KCNC2: variants seen among roughly 807,000 people sequenced by gnomAD.
The protein encoded by KCNC2 is voltage-gated potassium channel KCNC2.
KCNC2 carries 21 observed loss-of-function variants against 44.5 expected under a neutral mutation model. That is an observed-to-expected ratio of 0.47 (90% CI 0.33 to 0.68). The LOEUF is 0.68. Among genes scored for constraint, KCNC2 ranks in the 30% least tolerant of loss-of-function variants. KCNC2 has a pLI of 0.01. For synonymous variants in KCNC2, 391 were observed against 339.1 expected (o/e 1.15, Z -1.68); for missense variants, 589 against 826.2 (o/e 0.71, Z 3.52).
intron 2 of KCNC2, among the ~76,000 whole-genome samples, chr12:75,055,469 T>C (rs1024793364): frequency 6.6e-6 from 1 of 152,092 alleles, no homozygotes; most frequent in Non-Finnish European, 1.5e-5. Context: ...CATCTCTCTC[T>C]GTCTTTTCCC....
At chr12:75,075,232 A>T (rs1023065020) in intron 2 of KCNC2, among the ~76,000 whole-genome samples, 4 of 152,072 alleles carry the variant, frequency 2.6e-5, no homozygotes, top group African/African-American at 9.7e-5. Context: ...CATCATTTTT[A>T]AAAAACTTAA....
chr12:75,182,528 AAAAAAAAAACAAAAAAAAC>A (rs1482799309), intron 2 of KCNC2, among the ~76,000 whole-genome samples: 1 of 140,030 alleles, frequency 7.1e-6, no homozygotes, highest in Non-Finnish European at 1.6e-5. Context: ...CTCAAAAAAA[AAAAAAAAAACAAAAAAAAC>A]AAAAAAAAAC....
chr12:75,148,086 CT>C (rs1890146205), intron 2 of KCNC2, among the ~76,000 whole-genome samples: 2 of 152,052 alleles, frequency 1.3e-5, no homozygotes. Context: ...GTACATCTCT[CT>C]TTTCCCCATC....
At chr12:75,069,057 T>C (rs946986654) in intron 2 of KCNC2, among the ~76,000 whole-genome samples, 1 of 150,136 alleles carries the variant, frequency 6.7e-6, no homozygotes, top group Non-Finnish European at 1.5e-5. Flanking sequence ...CACACATATG[T>C]GAAAATACCT....
intron 2 of KCNC2, among the ~76,000 whole-genome samples, chr12:75,153,874 C>T (rs1436860499): frequency 6.6e-6 from 1 of 151,600 alleles, no homozygotes. Flanking sequence ...ATTGAGTAGG[C>T]TGAGGAGGAG....
chr12:75,088,208 T>C (rs1007788687), intron 2 of KCNC2, among the ~76,000 whole-genome samples: 4 of 152,094 alleles, frequency 2.6e-5, no homozygotes, highest in Non-Finnish European at 4.4e-5. Flanking sequence ...GTCTGGCATG[T>C]AGTAAAATAG....
Position 75,081,113 on chromosome 12 carries a change from T to C in KCNC2, c.688-29796A>G, listed in dbSNP as rs1884463240. Among the ~76,000 whole-genome samples, 2 of 152,120 alleles carry C rather than the reference T, an allele frequency of 1.3e-5. 1 individual carries two copies. Among genetic ancestry groups the C allele is most frequent in the Admixed American group, 1.3e-4 (2 of 15,234 alleles). On this transcript the variant is annotated intron_variant, in intron 2 of 4. Transcript: ENST00000549446. ...TTCCTGTAACGCTATACACTAACTA[T>C]ATCCTCAGTATTCATCTAACATATT...
intron 2 of KCNC2, among the ~76,000 whole-genome samples, chr12:75,108,694 C>T (rs1450012966): frequency 6.6e-6 from 1 of 152,158 alleles, no homozygotes; most frequent in African/African-American, 2.4e-5. Flanking sequence ...AATGGATTAT[C>T]TTTGCCTAAA....
At chr12:75,074,652 A>G in intron 2 of KCNC2, among the ~76,000 whole-genome samples, 1 of 152,186 alleles carries the variant, frequency 6.6e-6, no homozygotes, top group East Asian at 1.9e-4. Flanking sequence ...CAAGATTAAA[A>G]ATATAAACCT....
intron 2 of KCNC2, among the ~76,000 whole-genome samples, chr12:75,190,686 C>A (rs2030120607): frequency 6.6e-6 from 1 of 152,094 alleles, no homozygotes; most frequent in East Asian, 1.9e-4. Context: ...TATATTCAAG[C>A]TATTTCTTAG....
At chr12:75,127,050 A>C (rs1004727659) in intron 2 of KCNC2, among the ~76,000 whole-genome samples, 5 of 152,162 alleles carry the variant, frequency 3.3e-5, no homozygotes, top group African/African-American at 9.7e-5. Context: ...ATTTCTAAAA[A>C]TCTTTGCTTT....
chr12:75,043,044 T>C lies in KCNC2; in HGVS notation c.*61A>G. On this transcript the variant is annotated 3_prime_UTR_variant, in exon 5 of 5. Transcript: ENST00000549446. ...ACTCTACATTTAATTATTTCCATTA[T>C]GGGGTAAACAGCACTTGAATTAATA... The C allele has an allele frequency of 1.9e-6, 3 of 1,597,104 alleles. No individual in the cohort carries two copies. Among genetic ancestry groups the C allele is most frequent in the South Asian group, 2.2e-5 (2 of 89,286 alleles).
intron 2 of KCNC2, among the ~76,000 whole-genome samples, chr12:75,132,533 A>T (rs934290995): frequency 6.6e-6 from 1 of 152,102 alleles, no homozygotes; most frequent in Non-Finnish European, 1.5e-5. Context: ...AAATTCATGA[A>T]TACCAGGGAT....
chr12:75,075,702 T>A (rs1034851619), intron 2 of KCNC2, among the ~76,000 whole-genome samples: 2 of 151,902 alleles, frequency 1.3e-5, no homozygotes, highest in African/African-American at 4.8e-5. Flanking sequence ...AGTTTATAAA[T>A]AAATGCAATC....
Position 75,043,117 on chromosome 12 carries a change from T to C in KCNC2, c.1905A>G (p.Pro635=), listed in dbSNP as rs200874983. 11 of 1,612,078 alleles carry C rather than the reference T, an allele frequency of 6.8e-6. No individual in the cohort carries two copies. Among genetic ancestry groups the C allele is most frequent in the Admixed American group, 1.7e-5 (1 of 59,842 alleles). Residue 635 remains proline, a synonymous_variant, in exon 5 of 5, where the codon CCA becomes CCG. Coordinates refer to ENST00000549446, the MANE Select transcript of KCNC2 (RefSeq NM_139137.4). ...TTGGTTGTTTGGTTTACAAGATAGA[T>C]GGGATGGGAGATCGAGAGCGCCTCA... ...CPLRRSRSPI[P]SIL
intron 2 of KCNC2, among the ~76,000 whole-genome samples, chr12:75,159,033 C>G (rs1204875148): frequency 6.6e-6 from 1 of 150,776 alleles, no homozygotes; most frequent in Non-Finnish European, 1.5e-5. Flanking sequence ...TCTGAGAACA[C>G]CGCATGTTCT....
In KCNC2 at chr12:75,138,979, T is replaced by TAAA. The variant is rs373729570; in HGVS notation, c.687+68315_687+68317dup. On this transcript the variant is annotated intron_variant, in intron 2 of 4. Transcript: ENST00000549446. ...CTGGGCCACAGAGCGAGACTCCGTG[T>TAAA]AAAAAAAAAAAAAAAAAAAAAAAAA... Among the ~76,000 whole-genome samples, 216 of 77,892 alleles carry TAAA rather than the reference T, an allele frequency of 2.8e-3. 15 individuals carry two copies. The East Asian group carries it at 0.032, about 12-fold the overall frequency. The allele number at this position is 77,892 out of a possible 152,430, so 51.1% of individuals were successfully genotyped here.
At chr12:75,080,695 C>T (rs1225337634) in intron 2 of KCNC2, among the ~76,000 whole-genome samples, 1 of 152,062 alleles carries the variant, frequency 6.6e-6, no homozygotes, top group East Asian at 1.9e-4. Flanking sequence ...GCCCCTTTAG[C>T]ATACAGAATC....
At chr12:75,057,212 T>A (rs1881840880) in intron 2 of KCNC2, among the ~76,000 whole-genome samples, 1 of 152,062 alleles carries the variant, frequency 6.6e-6, no homozygotes. Flanking sequence ...TTTCTTCTTT[T>A]TTACAGCACC....
Sources: allele counts gnomAD v4.1 joint callset (sites outside exome capture counted in the v4.1 genomes callset), GRCh38; gene constraint gnomAD v4.1.1; transcripts MANE v1.5; gene names NCBI Gene and HGNC (gene_info 2026-07-23, HGNC 2026-07-21).